The following CACNA2D2 variants were observed in gnomAD, a reference collection of about 807,000 sequenced individuals.
CACNA2D2 encodes the protein voltage-dependent calcium channel subunit alpha-2/delta-2.
In CACNA2D2, 48 loss-of-function variants were observed where a neutral mutation model predicts 166.4. That is an observed-to-expected ratio of 0.29 (90% CI 0.23 to 0.37). CACNA2D2 has a LOEUF of 0.37. Ranked by LOEUF, CACNA2D2 falls within the 10% of genes least tolerant of loss-of-function variation. The pLI, the probability that CACNA2D2 is intolerant of heterozygous loss-of-function variation, is 1.00. For missense variants in CACNA2D2, 1,122 were observed against 1,433.0 expected (o/e 0.78, Z 3.50); for synonymous variants, 561 against 573.7 (o/e 0.98, Z 0.32).
At chr3:50,382,457 C>T (rs1705369448) in intron 6 of CACNA2D2, among the ~76,000 whole-genome samples, 1 of 152,222 alleles carries the variant, frequency 6.6e-6, no homozygotes, top group South Asian at 2.1e-4. Context: ...TCGGGCGGCC[C>T]CTCTGGAGCG....
intron 4 of CACNA2D2, among the ~76,000 whole-genome samples, chr3:50,387,827 C>T (rs587758754): frequency 1.5e-3 from 233 of 152,314 alleles, no homozygotes; most frequent in Admixed American, 4.1e-3. Flanking sequence ...GCTCCAGGAG[C>T]ATGCAGTACC....
chr3:50,415,568 T>A (rs1707231900), intron 3 of CACNA2D2, among the ~76,000 whole-genome samples: 1 of 152,222 alleles, frequency 6.6e-6, no homozygotes, highest in Admixed American at 6.5e-5. Flanking sequence ...GGGGTTACCA[T>A]GGGCTCCTGA....
At chr3:50,402,117 T>C (rs2106763925) in intron 3 of CACNA2D2, among the ~76,000 whole-genome samples, 1 of 152,338 alleles carries the variant, frequency 6.6e-6, no homozygotes, top group South Asian at 2.1e-4. Flanking sequence ...AGTATTCCAC[T>C]GGCTTTCATT....
chr3:50,453,971 C>A (rs2106968363), intron 2 of CACNA2D2, among the ~76,000 whole-genome samples: 1 of 152,204 alleles, frequency 6.6e-6, no homozygotes, highest in South Asian at 2.1e-4. Flanking sequence ...TGCCCTGCCC[C>A]CGCCTCACGG....
rs587715457 is a variant in CACNA2D2 at position 50,382,578 on chromosome 3, T to G, written c.653-1452A>C. Among the ~76,000 whole-genome samples, 6 of 152,340 alleles carry G rather than the reference T, an allele frequency of 3.9e-5. No individual in the cohort carries two copies. The South Asian group carries it at 1.0e-3, about 26-fold the overall frequency. On this transcript the variant is annotated intron_variant, in intron 6 of 37. Transcript: ENST00000424201. ...ACCATAATGTGAAAACAAAACACAT[T>G]TCAAGCATTGGCTCTGCTTATTGAA... is the stretch of plus-strand genomic sequence containing the variant.
chr3:50,391,495 G>A (rs1705891350), intron 4 of CACNA2D2, among the ~76,000 whole-genome samples: 1 of 152,250 alleles, frequency 6.6e-6, no homozygotes, highest in African/African-American at 2.4e-5. Context: ...GCCCACCTGT[G>A]GGGGCATGGG....
chr3:50,469,253 C>T (rs1709961958), intron 2 of CACNA2D2, among the ~76,000 whole-genome samples: 1 of 152,120 alleles, frequency 6.6e-6, no homozygotes, highest in Non-Finnish European at 1.5e-5. Flanking sequence ...TGCCCATCTC[C>T]TCCCCAACAG....
At chr3:50,476,993 G>C (rs540258050) in intron 1 of CACNA2D2, among the ~76,000 whole-genome samples, 4 of 148,910 alleles carry the variant, frequency 2.7e-5, no homozygotes, top group South Asian at 4.3e-4. Flanking sequence ...GCAGTGGTGC[G>C]ATCTCTGCTC....
chr3:50,456,036 T>G (rs1709345487), intron 2 of CACNA2D2, among the ~76,000 whole-genome samples: 1 of 152,196 alleles, frequency 6.6e-6, no homozygotes, highest in Non-Finnish European at 1.5e-5. Context: ...TCCTCATGTC[T>G]GCAGCCCTAC....
intron 1 of CACNA2D2, 47 bp downstream of exon 1, chr3:50,503,171 G>T (rs1375812682): frequency 1.6e-5 from 18 of 1,117,450 alleles, no homozygotes; most frequent in Admixed American, 4.7e-5. Context: ...GGGCAGAGCG[G>T]GGCGCAAGGC....
chr3:50,390,488 C>A (rs1705831028), intron 4 of CACNA2D2, among the ~76,000 whole-genome samples: 1 of 152,154 alleles, frequency 6.6e-6, no homozygotes. Flanking sequence ...AACTCCACAG[C>A]CCAGAGGAGA....
intron 2 of CACNA2D2, among the ~76,000 whole-genome samples, chr3:50,459,734 A>G (rs1475484019): frequency 6.6e-6 from 1 of 152,224 alleles, no homozygotes; most frequent in African/African-American, 2.4e-5. Context: ...GAGTGAGTCC[A>G]GGGGAGAAGC....
At chr3:50,495,186 C>T (rs945471273) in intron 1 of CACNA2D2, among the ~76,000 whole-genome samples, 8 of 152,204 alleles carry the variant, frequency 5.3e-5, no homozygotes, top group Non-Finnish European at 1.5e-5. Context: ...GTATCAGGAC[C>T]TCAGGGATTT....
At chr3:50,437,215 C>G (rs1214955307) in intron 2 of CACNA2D2, among the ~76,000 whole-genome samples, 1 of 152,204 alleles carries the variant, frequency 6.6e-6, no homozygotes, top group Non-Finnish European at 1.5e-5. Flanking sequence ...CAGCATCTTT[C>G]TGCCGACCCT....
In CACNA2D2 at chr3:50,363,564, G is replaced by C; in HGVS notation, c.*1102C>G. On this transcript the variant is annotated 3_prime_UTR_variant, in exon 38 of 38. Transcript: ENST00000424201. The stretch of plus-strand genomic sequence containing the variant: ...TGTAGGGGTGGGAAGGAGATAGGGA[G>C]TGGGCACAGGCCTGAGTGTGTAAGG... The C allele has an allele frequency of 3.2e-6, 1 of 315,558 alleles. No homozygotes were observed. The highest frequency in any genetic ancestry group is 5.7e-6 in the Non-Finnish European group (1 of 175,300). 19.5% of individuals were successfully genotyped at this position (315,558 alleles called of 1,614,324 possible). A position where few individuals can be genotyped will look rare whatever the true frequency, so the allele number is the denominator to read the frequency against.
chr3:50,389,970 T>C (rs1483568834), intron 4 of CACNA2D2, among the ~76,000 whole-genome samples: 1 of 148,862 alleles, frequency 6.7e-6, no homozygotes, highest in African/African-American at 2.5e-5. Context: ...CTATGCATGA[T>C]GTGGTGTGGA....
At chr3:50,442,739 T>A (rs1254143238) in intron 2 of CACNA2D2, among the ~76,000 whole-genome samples, 2 of 152,174 alleles carry the variant, frequency 1.3e-5, no homozygotes, top group Non-Finnish European at 2.9e-5. Flanking sequence ...ACTGGAGCAC[T>A]GACCACACCC....
chr3:50,484,909 G>A (rs1245018405), intron 1 of CACNA2D2, among the ~76,000 whole-genome samples: 2 of 152,362 alleles, frequency 1.3e-5, no homozygotes, highest in African/African-American at 4.8e-5. Flanking sequence ...GTAGGCAGGT[G>A]GGGTGGGCAG....
chr3:50,468,159 C>T (rs749316664), intron 2 of CACNA2D2, among the ~76,000 whole-genome samples: 1 of 152,216 alleles, frequency 6.6e-6, no homozygotes, highest in Non-Finnish European at 1.5e-5. Context: ...TGTCCCCAAG[C>T]CCCATCTCCC....
Sources: gnomAD v4.1 joint callset for allele counts (sites outside exome capture counted in the v4.1 genomes callset) on GRCh38, gnomAD v4.1.1 for gene constraint, MANE v1.5 for transcripts, NCBI Gene and HGNC (gene_info 2026-07-23, HGNC 2026-07-21) for gene names.